The following ITGA9 variants were observed in gnomAD, a reference collection of about 807,000 sequenced individuals.
The protein encoded by ITGA9 is integrin subunit alpha 9.
Under a neutral mutation model 127.8 loss-of-function variants are expected in ITGA9, and 56 were observed. That is an observed-to-expected ratio of 0.44 (90% CI 0.35 to 0.55). ITGA9 has a LOEUF of 0.55. Among genes scored for constraint, ITGA9 ranks in the 20% least tolerant of loss-of-function variants. ITGA9 has a pLI of 0.00. For missense variants in ITGA9, 1,196 were observed against 1,347.1 expected, an observed-to-expected ratio of 0.89 and a Z score of 1.76; for synonymous variants, 508 against 514.5, an observed-to-expected ratio of 0.99 and a Z score of 0.17.
At chr3:37,678,342 GT>G in intron 17 of ITGA9, among the ~76,000 whole-genome samples, 1 of 152,202 alleles carries the variant, frequency 6.6e-6, no homozygotes, top group Admixed American at 6.5e-5. Context: ...CTTGTCTTCT[GT>G]TTTTTTGATA....
chr3:37,633,900 C>A (rs927478027), intron 16 of ITGA9, among the ~76,000 whole-genome samples: 1 of 152,168 alleles, frequency 6.6e-6, no homozygotes, highest in African/African-American at 2.4e-5. Flanking sequence ...AATATGGTTT[C>A]TACTGAATGC....
intron 8 of ITGA9, 49 bp downstream of exon 8, chr3:37,508,676 A>C (rs774494333): frequency 6.7e-6 from 10 of 1,489,132 alleles, no homozygotes; most frequent in Non-Finnish European, 9.4e-6. Context: ...AGATGTGATC[A>C]TGTGGGAGTC....
intron 22 of ITGA9, chr3:37,748,442 A>C (rs1332266748): frequency 1.4e-5 from 8 of 590,456 alleles, no homozygotes; most frequent in Non-Finnish European, 1.9e-5. Context: ...CACGTGAAGG[A>C]AAATGATCAG....
intron 16 of ITGA9, among the ~76,000 whole-genome samples, chr3:37,641,994 G>A (rs895664185): frequency 6.6e-6 from 1 of 152,154 alleles, no homozygotes; most frequent in Non-Finnish European, 1.5e-5. Context: ...CTGGAGTGCA[G>A]TGGTGTGATC....
intron 18 of ITGA9, among the ~76,000 whole-genome samples, chr3:37,700,328 G>T (rs931106235): frequency 6.6e-6 from 1 of 151,676 alleles, no homozygotes; most frequent in Admixed American, 6.6e-5. Context: ...TCCTCCTACC[G>T]GAATTAGGTT....
At chr3:37,696,116 T>C (rs947410865) in intron 18 of ITGA9, among the ~76,000 whole-genome samples, 13 of 152,202 alleles carry the variant, frequency 8.5e-5, no homozygotes, top group African/African-American at 3.1e-4. Context: ...TATATCTCAT[T>C]GGCCAGCACC....
intron 15 of ITGA9, among the ~76,000 whole-genome samples, chr3:37,611,554 G>C (rs1700016641): frequency 6.6e-6 from 1 of 152,102 alleles, no homozygotes; most frequent in African/African-American, 2.4e-5. Context: ...TTTTATTACA[G>C]GTTTGGGAGC....
At position 37,820,943 on chromosome 3, in the gene ITGA9, A is replaced by G. The variant is rs1391384999; in HGVS notation, c.*1954A>G. 1.3e-5 allele frequency: 2 copies of G among 152,192 alleles called. No individual in the cohort carries two copies. The highest frequency in any genetic ancestry group is 4.1e-4 in the South Asian group (2 of 4,834). The allele number at this position is 152,192 out of a possible 1,614,324, so 9.4% of individuals were successfully genotyped here. ...CTGGGAAGACAGATTTTTAATACAC[A>G]TACTTGGCTAATACTCACAAACATA... is the stretch of plus-strand genomic sequence containing the variant. On this transcript the variant is annotated 3_prime_UTR_variant, in exon 28 of 28. Transcript: ENST00000264741.
At chr3:37,497,044 A>C (rs1047561676) in intron 5 of ITGA9, among the ~76,000 whole-genome samples, 1 of 152,208 alleles carries the variant, frequency 6.6e-6, no homozygotes, top group Non-Finnish European at 1.5e-5. Flanking sequence ...TTTTAATGTC[A>C]CTTTCCCTGA....
At chr3:37,523,486 T>C (rs1358498480) in intron 11 of ITGA9, 35 bp from the exon 12 acceptor site, 1 of 1,525,926 alleles carries the variant, frequency 6.6e-7, no homozygotes, top group Non-Finnish European at 9.1e-7. Flanking sequence ...CTGTGGTCTT[T>C]TCCTGTGACT....
chr3:37,457,798 G>A (rs1698276955), intron 1 of ITGA9, among the ~76,000 whole-genome samples: 1 of 152,322 alleles, frequency 6.6e-6, no homozygotes, highest in African/African-American at 2.4e-5. Flanking sequence ...TTCTGAGCTA[G>A]TGCTGAATGC....
rs948122542 is a variant in ITGA9 at position 37,815,438 on chromosome 3, G to A, written c.3010-3453G>A. ...AGCCTGGCCAACAAGATGAAACCCC[G>A]TCTCTACTAAAAATATGAAAATTAG... On this transcript the variant is annotated intron_variant, in intron 27 of 27. Coordinates refer to ENST00000264741, the MANE Select transcript of ITGA9 (RefSeq NM_002207.3). 6.6e-5 allele frequency among the ~76,000 whole-genome samples: 10 copies of A among 152,116 alleles called. 1 individual carries two copies. The East Asian group carries it at 1.5e-3, about 24-fold the overall frequency.
intron 19 of ITGA9, among the ~76,000 whole-genome samples, chr3:37,736,162 C>T (rs531309516): frequency 2.6e-5 from 4 of 152,224 alleles, no homozygotes; most frequent in Non-Finnish European, 4.4e-5. Context: ...ACCTAAGTAC[C>T]TTCCAAAGAC....
rs1466538574 is a variant in ITGA9 at position 37,683,887 on chromosome 3, C to G, written c.1939C>G (p.Leu647Val). 4 of 1,614,118 alleles carry G rather than the reference C, an allele frequency of 2.5e-6. No homozygotes were observed. The South Asian group carries it at 3.3e-5, about 13-fold the overall frequency. ...LSSMDEKTLYLALGAVKNISL... is the reference protein window; with the variant it reads ...LSSMDEKTLYVALGAVKNISL... ...CAGTATGGATGAGAAAACCCTGTAT[C>G]TAGCTTTGGGGGCTGTGAAGAACAT... The change falls in exon 18 of 28, where the codon CTA (leucine) becomes GTA (valine). Residue 647 changes from leucine to valine, a missense_variant. Leu to Val is a conservative substitution (Grantham distance 32). Coordinates refer to ENST00000264741, the MANE Select transcript of ITGA9 (RefSeq NM_002207.3).
At chr3:37,600,465 T>TGGC (rs1699912180) in intron 15 of ITGA9, among the ~76,000 whole-genome samples, 1 of 152,016 alleles carries the variant, frequency 6.6e-6, no homozygotes, top group Non-Finnish European at 1.5e-5. Context: ...CCACACATAC[T>TGGC]CTTTGTTTTT....
intron 17 of ITGA9, among the ~76,000 whole-genome samples, chr3:37,654,203 C>CACAA (rs1700455635): frequency 6.6e-6 from 1 of 151,318 alleles, no homozygotes; most frequent in African/African-American, 2.4e-5. Flanking sequence ...CACACACACA[C>CACAA]ACACACACAC....
At chr3:37,567,401 G>T (rs1366872143) in intron 15 of ITGA9, among the ~76,000 whole-genome samples, 3 of 152,050 alleles carry the variant, frequency 2.0e-5, no homozygotes, top group African/African-American at 7.2e-5. Flanking sequence ...TTTGGGTGGG[G>T]ACACAGCCAA....
At chr3:37,517,702 A>G (rs914516794) in intron 10 of ITGA9, 93 bp downstream of exon 10, 2 of 899,058 alleles carry the variant, frequency 2.2e-6, no homozygotes, top group African/African-American at 3.3e-5. Context: ...GTCCATCTCT[A>G]GTGGCATGCT....
At chr3:37,742,305 C>A (rs940201985) in intron 21 of ITGA9, among the ~76,000 whole-genome samples, 1 of 152,122 alleles carries the variant, frequency 6.6e-6, no homozygotes, top group South Asian at 2.1e-4. Flanking sequence ...CTGTTAACTC[C>A]CTCTGCAGAG....
Sources: gnomAD v4.1 joint callset for allele counts (sites outside exome capture counted in the v4.1 genomes callset) on GRCh38, gnomAD v4.1.1 for gene constraint, MANE v1.5 for transcripts, NCBI Gene and HGNC (gene_info 2026-07-23, HGNC 2026-07-21) for gene names.